The following EIF2AK1 variants were observed in gnomAD, a reference collection of about 807,000 sequenced individuals.
EIF2AK1 encodes eukaryotic translation initiation factor 2 alpha kinase 1.
A neutral mutation model predicts 77.9 loss-of-function variants in EIF2AK1; 54 were observed. That is an observed-to-expected ratio of 0.69 (90% CI 0.56 to 0.87). The LOEUF (loss-of-function observed/expected upper bound fraction) is 0.87. Among genes scored for constraint, EIF2AK1 ranks in the 40% least tolerant of loss-of-function variants. The probability of loss-of-function intolerance (pLI) is 0.00; values close to 1 mark genes in which losing one functional copy is unlikely to be tolerated. For missense variants in EIF2AK1, 810 were observed against 768.6 expected, an observed-to-expected ratio of 1.05 and a Z score of -0.64; for synonymous variants, 314 against 290.5, an observed-to-expected ratio of 1.08 and a Z score of -0.82.
chr7:6,046,794 C>G, intron 5 of EIF2AK1, 198 bp downstream of exon 5: 1 of 456,500 alleles, frequency 2.2e-6, no homozygotes, highest in Non-Finnish European at 3.9e-6. Context: ...CCCAGCTACT[C>G]GGGAGGCTGA....
At chr7:6,057,598 TAAAAAAAAA>T (rs143149612) in intron 1 of EIF2AK1, 2 of 133,704 alleles carry the variant, frequency 1.5e-5, no homozygotes, top group Admixed American at 1.5e-4. Flanking sequence ...AAGCATTCCA[TAAAAAAAAA>T]AAAAAGAAAA....
chr7:6,048,458 A>G (rs1262762915), intron 4 of EIF2AK1, among the ~76,000 whole-genome samples: 2 of 152,210 alleles, frequency 1.3e-5, no homozygotes, highest in African/African-American at 4.8e-5. Flanking sequence ...GATAGACCAC[A>G]TGCTTATCTA....
chr7:6,054,323 C>A (rs1020303624), intron 2 of EIF2AK1, among the ~76,000 whole-genome samples: 10 of 152,126 alleles, frequency 6.6e-5, no homozygotes, highest in Non-Finnish European at 1.3e-4. Flanking sequence ...TCCGCCTCAG[C>A]CTCCCGAGTA....
chr7:6,024,583 C>T lies in EIF2AK1; in HGVS notation c.*90G>A. On this transcript the variant is annotated 3_prime_UTR_variant, in exon 15 of 15. Coordinates refer to ENST00000199389, the MANE Select transcript of EIF2AK1 (RefSeq NM_014413.4). The stretch of plus-strand genomic sequence containing the variant: ...CTTTAACAAGTCTTGTAAAGGCTTA[C>T]TAAATACAACGAAGCATTGTACCAA... 6.3e-7 allele frequency: 1 copy of T among 1,583,242 alleles called. No individual in the cohort carries two copies. The highest frequency in any genetic ancestry group is 8.6e-7 in the Non-Finnish European group (1 of 1,168,562).
chr7:6,055,342 C>CAAAA (rs58804557), intron 1 of EIF2AK1, among the ~76,000 whole-genome samples: 3,791 of 69,054 alleles, frequency 0.055, 230 homozygotes, highest in East Asian at 0.28. Flanking sequence ...AACTCCGTCT[C>CAAAA]AAAAAAAAAA....
intron 11 of EIF2AK1, chr7:6,031,567 C>T: frequency 6.4e-7 from 1 of 1,550,788 alleles, no homozygotes; most frequent in Middle Eastern, 1.7e-4. Context: ...CCAACTCCGC[C>T]AGCAACAGAT....
intron 8 of EIF2AK1, among the ~76,000 whole-genome samples, chr7:6,042,280 G>A (rs763966548): frequency 2.6e-4 from 39 of 151,672 alleles, no homozygotes; most frequent in Non-Finnish European, 2.1e-4. Context: ...GCAAAACCCC[G>A]TCTCTGCTAA....
rs1787824307 is a variant in EIF2AK1, at chr7:6,028,917, C to T, written c.1447+1G>A. ...AAAACAAAACAAAACCAAAAACTTA[C>T]TCTTCCCGTTTCTGTTGGTCCAGTC... On this transcript the variant is annotated splice_donor_variant, in intron 12 of 14. Coordinates refer to ENST00000199389, the MANE Select transcript of EIF2AK1 (RefSeq NM_014413.4). LOFTEE classifies it high-confidence loss of function. 6.3e-7 allele frequency: 1 copy of T among 1,596,354 alleles called. No individual in the cohort carries two copies. Among genetic ancestry groups the T allele is most frequent in the Admixed American group, 1.9e-5 (1 of 53,752 alleles).
At chr7:6,041,643 C>G (rs956830745) in intron 8 of EIF2AK1, among the ~76,000 whole-genome samples, 1 of 151,848 alleles carries the variant, frequency 6.6e-6, no homozygotes, top group East Asian at 1.9e-4. Context: ...AGTTCGAGAC[C>G]AGCCTGGCCA....
At position 6,032,005 on chromosome 7, in the gene EIF2AK1, C is replaced by G. The variant is rs1185649458; in HGVS notation, c.1333-2973G>C. On this transcript the variant is annotated intron_variant, in intron 11 of 14. Transcript: ENST00000199389. This position sits in a 1 kb window ranked among gnomAD's most constrained non-coding sequence, Gnocchi z 4.3. ...CCTGGCCAGCAGGGCAAAACCCCGT[C>G]TCTACTAAAAATACAAAAATTAGCC... 1.3e-5 allele frequency among the ~76,000 whole-genome samples: 2 copies of G among 152,226 alleles called. No individual in the cohort carries two copies. The highest frequency in any genetic ancestry group is 4.8e-5 in the African/African-American group (2 of 41,532).
At position 6,032,003 on chromosome 7, in the gene EIF2AK1, G is replaced by A. The variant is rs574054419; in HGVS notation, c.1333-2971C>T. Among the ~76,000 whole-genome samples, 50 of 152,184 alleles carry A rather than the reference G, an allele frequency of 3.3e-4. No homozygotes were observed. Among genetic ancestry groups the A allele is most frequent in the South Asian group, 1.0e-3 (5 of 4,824 alleles). ...AGCCTGGCCAGCAGGGCAAAACCCC[G>A]TCTCTACTAAAAATACAAAAATTAG... is the stretch of plus-strand genomic sequence containing the variant. On this transcript the variant is annotated intron_variant, in intron 11 of 14. Coordinates refer to ENST00000199389, the MANE Select transcript of EIF2AK1 (RefSeq NM_014413.4). The surrounding 1 kb of genome is among the most constrained non-coding windows in gnomAD (Gnocchi z 4.3).
At chr7:6,058,903 G>T in intron 1 of EIF2AK1, 63 bp downstream of exon 1, 1 of 1,408,676 alleles carries the variant, frequency 7.1e-7, no homozygotes. Flanking sequence ...GGCTGCCTTT[G>T]CCGCCCAGAA....
At position 6,038,547 on chromosome 7, in the gene EIF2AK1, A is replaced by C. The variant is rs1788172333; in HGVS notation, c.1231+13T>G. 6.2e-7 allele frequency: 1 copy of C among 1,604,100 alleles called. No individual in the cohort carries two copies. Among genetic ancestry groups the C allele is most frequent in the South Asian group, 1.1e-5 (1 of 89,896 alleles). On this transcript the variant is annotated intron_variant, in intron 10 of 14. Coordinates refer to ENST00000199389, the MANE Select transcript of EIF2AK1 (RefSeq NM_014413.4). ...GTCTATTTCCCGGCCCGGCAGACCC[A>C]GATGGTACTCACAGGCAGACTCGTC...
At chr7:6,026,649 C>T in intron 14 of EIF2AK1, 79 bp downstream of exon 14, 1 of 1,193,912 alleles carries the variant, frequency 8.4e-7, no homozygotes, top group Non-Finnish European at 1.2e-6. Flanking sequence ...TCCGGGGGCA[C>T]CACCCAACCG....
Position 6,049,983 on chromosome 7 carries a change from T to G in EIF2AK1, c.340A>C (p.Ser114Arg). Residue 114 changes from serine (S) to arginine (R), a missense_variant, in exon 3 of 15, where the codon AGC (serine) becomes CGC (arginine). By Grantham distance (110) the Ser-to-Arg change is moderately radical. Coordinates refer to ENST00000199389, the MANE Select transcript of EIF2AK1 (RefSeq NM_014413.4). Reference sequence around the variant, plus strand: ...CTGTTGTGATGTAGTCTCAATGAGCTAAACTCGTCACTACAAGTGAAAGAA... The same window carrying G: ...CTGTTGTGATGTAGTCTCAATGAGCGAAACTCGTCACTACAAGTGAAAGAA... Reference protein sequence around the residue: ...LSSFTCSDEFSSLRLHHNRAI... With the variant: ...LSSFTCSDEFRSLRLHHNRAI... 1.9e-6 allele frequency: 3 copies of G among 1,613,400 alleles called. No individual in the cohort carries two copies. Among genetic ancestry groups the G allele is most frequent in the Non-Finnish European group, 1.7e-6 (2 of 1,179,678 alleles).
Position 6,024,169 on chromosome 7 carries a change from A to G in EIF2AK1, c.*504T>C. On this transcript the variant is annotated 3_prime_UTR_variant, in exon 15 of 15. Coordinates refer to ENST00000199389, the MANE Select transcript of EIF2AK1 (RefSeq NM_014413.4). ...TGGAAGTTGCACACTGTACACTGTT[A>G]AGAAGTTGAGCTTTTATCTTAGAGG... 1 of 1,274,422 alleles carries G rather than the reference A, an allele frequency of 7.8e-7. No individual in the cohort carries two copies. Among genetic ancestry groups the G allele is most frequent in the Middle Eastern group, 2.2e-4 (1 of 4,604 alleles). The allele number at this position is 1,274,422 out of a possible 1,614,324, so 78.9% of individuals were successfully genotyped here. A position where few individuals can be genotyped will look rare whatever the true frequency, so the allele number is the denominator to read the frequency against.
At chr7:6,028,868 AC>A in intron 12 of EIF2AK1, 49 bp downstream of exon 12, 1 of 1,494,712 alleles carries the variant, frequency 6.7e-7, no homozygotes, top group Non-Finnish European at 9.2e-7. Context: ...AACATGTGCA[AC>A]CATGTCTTTT....
Position 6,028,595 on chromosome 7 carries a change from C to T in EIF2AK1, c.1530+20G>A, listed in dbSNP as rs1562741183. 1 of 1,612,022 alleles carries T rather than the reference C, an allele frequency of 6.2e-7. No homozygotes were observed. Among genetic ancestry groups the T allele is most frequent in the Non-Finnish European group, 8.5e-7 (1 of 1,178,228 alleles). The stretch of plus-strand genomic sequence containing the variant: ...CTGCAGAATAAGTTGAATGAAAGGG[C>T]AGAAAGCAACAAATACTACCTTGGC... On this transcript the variant is annotated intron_variant, in intron 13 of 14. Coordinates refer to ENST00000199389, the MANE Select transcript of EIF2AK1 (RefSeq NM_014413.4).
At chr7:6,045,662 C>T (rs142971308) in intron 6 of EIF2AK1, among the ~76,000 whole-genome samples, 7 of 151,266 alleles carry the variant, frequency 4.6e-5, no homozygotes, top group Non-Finnish European at 1.0e-4. Flanking sequence ...TGGAACTGGG[C>T]TCCTGTTTTT....
Sources: allele counts gnomAD v4.1 joint callset (sites outside exome capture counted in the v4.1 genomes callset), GRCh38; gene constraint gnomAD v4.1.1; non-coding constraint Gnocchi (gnomAD v3.1); transcripts MANE v1.5; gene names NCBI Gene and HGNC (gene_info 2026-07-23, HGNC 2026-07-21).